The following NUDT5 variants were observed in gnomAD, a reference collection of about 807,000 sequenced individuals.
NUDT5 encodes the protein nudix hydrolase 5.
Under a neutral mutation model 34.1 loss-of-function variants are expected in NUDT5, and 21 were observed. That is an observed-to-expected ratio of 0.62 (90% CI 0.44 to 0.89). The LOEUF is 0.89. Among genes scored for constraint, NUDT5 ranks in the 40% least tolerant of loss-of-function variants. The probability of loss-of-function intolerance (pLI) is 0.00; values close to 1 mark genes in which losing one functional copy is unlikely to be tolerated. For missense variants in NUDT5, 249 were observed against 274.8 expected (o/e 0.91, Z 0.66); for synonymous variants, 85 against 97.6 (o/e 0.87, Z 0.76).
Position 12,179,101 on chromosome 10 carries a change from TC to T in NUDT5, c.162del (p.Glu56SerfsTer25). On this transcript the variant is annotated frameshift_variant, in exon 4 of 10. Coordinates refer to ENST00000491614, the MANE Select transcript of NUDT5 (RefSeq NM_014142.4). LOFTEE classifies it high-confidence loss of function. Reference protein sequence around the residue: ...RTWESVKRTTRKEQTADGVAV... With the variant: ...RTWESVKRTTXKEQTADGVAV... The stretch of plus-strand genomic sequence containing the variant: ...CTCCTACCATCCGCAGTCTGCTCTT[TC>T]CTGGTTGTACGTTTCACTGATTCCC... 6.2e-7 allele frequency: 1 copy of T among 1,614,158 alleles called. No individual in the cohort carries two copies. The highest frequency in any genetic ancestry group is 8.5e-7 in the Non-Finnish European group (1 of 1,179,994).
In NUDT5 at chr10:12,169,377, C is replaced by A; in HGVS notation, c.550+1340G>T. 8.0e-7 allele frequency: 1 copy of A among 1,253,272 alleles called. No individual in the cohort carries two copies. Among genetic ancestry groups the A allele is most frequent in the Non-Finnish European group, 1.1e-6 (1 of 887,810 alleles). The allele number at this position is 1,253,272 out of a possible 1,614,324, so 77.6% of individuals were successfully genotyped here. ...CACTTGCCTACGTCACCCTGCTTTC[C>A]ACGCACCTCCTCAGAGGGAGGGGCT... On this transcript the variant is annotated intron_variant, in intron 9 of 9. Transcript: ENST00000491614. This position sits in a 1 kb window ranked among gnomAD's most constrained non-coding sequence, Gnocchi z 4.8.
intron 5 of NUDT5, among the ~76,000 whole-genome samples, chr10:12,177,374 C>G (rs1029113197): frequency 1.3e-5 from 2 of 151,898 alleles, no homozygotes; most frequent in Non-Finnish European, 2.9e-5. Context: ...AAAAAATTAG[C>G]CGGGCGTGGT....
intron 3 of NUDT5, 142 bp from the exon 4 acceptor site, chr10:12,179,274 C>T (rs541347536): frequency 2.7e-5 from 17 of 631,348 alleles, no homozygotes; most frequent in African/African-American, 2.2e-4. Context: ...CAGCAATAAA[C>T]GTCTGCATTA....
chr10:12,180,700 C>T (rs1564425121), intron 3 of NUDT5, among the ~76,000 whole-genome samples: 2 of 152,190 alleles, frequency 1.3e-5, no homozygotes. Context: ...TCTACTTGCC[C>T]GCCAGCTAAG....
At chr10:12,177,359 A>G (rs990860793) in intron 5 of NUDT5, among the ~76,000 whole-genome samples, 2 of 151,872 alleles carry the variant, frequency 1.3e-5, no homozygotes, top group Non-Finnish European at 2.9e-5. Flanking sequence ...CTCTACTAAA[A>G]ATACAAAAAA....
At chr10:12,190,957 G>C (rs930252150) in intron 1 of NUDT5, among the ~76,000 whole-genome samples, 4 of 152,142 alleles carry the variant, frequency 2.6e-5, no homozygotes, top group Non-Finnish European at 5.9e-5. Context: ...TAGAGACCAA[G>C]AGTGCAGAGA....
In NUDT5 at chr10:12,167,044, CTTGCG is replaced by C. The variant is rs1834716605; in HGVS notation, c.*653_*657del. The C allele has an allele frequency of 1.6e-5, 3 of 181,838 alleles. No homozygotes were observed. The South Asian group carries it at 3.0e-4, about 18-fold the overall frequency. 11.3% of individuals were successfully genotyped at this position (181,838 alleles called of 1,614,324 possible). A position where few individuals can be genotyped will look rare whatever the true frequency, so the allele number is the denominator to read the frequency against. ...AGAGATCCTCAAGCACGTGCAGATG[CTTGCG>C]GGATGGACCTGAATTTTCATTAGTC... On this transcript the variant is annotated 3_prime_UTR_variant, in exon 10 of 10. Transcript: ENST00000491614.
At chr10:12,172,099 A>G (rs1274764363) in intron 7 of NUDT5, among the ~76,000 whole-genome samples, 1 of 152,178 alleles carries the variant, frequency 6.6e-6, no homozygotes, top group Non-Finnish European at 1.5e-5. Context: ...GTAAGAAGTT[A>G]AAGAATATCA....
chr10:12,167,613 A>T lies in NUDT5; in HGVS notation c.*89T>A. On this transcript the variant is annotated 3_prime_UTR_variant, in exon 10 of 10. Transcript: ENST00000491614. ...TTATTTTACGAAAAAGCTAATGGCA[A>T]ATCTACATTAAACTAAGTTGAATAC... The T allele has an allele frequency of 7.8e-7, 1 of 1,282,568 alleles. No individual in the cohort carries two copies. The highest frequency in any genetic ancestry group is 1.1e-6 in the Non-Finnish European group (1 of 900,808). 79.4% of individuals were successfully genotyped at this position (1,282,568 alleles called of 1,614,324 possible). A position where few individuals can be genotyped will look rare whatever the true frequency, so the allele number is the denominator to read the frequency against.
intron 4 of NUDT5, among the ~76,000 whole-genome samples, chr10:12,178,819 G>A (rs1834998222): frequency 6.6e-6 from 1 of 152,198 alleles, no homozygotes. Flanking sequence ...AGACACAGGT[G>A]TGGCTTCAAA....
chr10:12,177,454 G>C (rs1329249050), intron 5 of NUDT5, among the ~76,000 whole-genome samples: 1 of 152,120 alleles, frequency 6.6e-6, no homozygotes, highest in Non-Finnish European at 1.5e-5. Context: ...AGGAGGCGGA[G>C]GTTGCAGTGA....
chr10:12,177,808 T>C lies in NUDT5; in HGVS notation c.274A>G (p.Ile92Val), dbSNP rs1327555620. Residue 92 changes from isoleucine to valine, a missense_variant, in exon 5 of 10, where the codon ATA becomes GTA. Ile to Val is a conservative substitution (Grantham distance 29). Coordinates refer to ENST00000491614, the MANE Select transcript of NUDT5 (RefSeq NM_014142.4). The stretch of plus-strand genomic sequence containing the variant: ...AGTGACTCACCTGCAGGGAACTCTA[T>C]GCAGTAGCCCCCCATTGGTGGTCGG... ...QFRPPMGGYC[I>V]EFPAGLIDDG... The C allele has an allele frequency of 1.3e-5, 21 of 1,613,246 alleles. No individual in the cohort carries two copies. Among genetic ancestry groups the C allele is most frequent in the Non-Finnish European group, 1.8e-5 (21 of 1,179,112 alleles).
At chr10:12,176,650 T>C (rs1834954928) in intron 5 of NUDT5, among the ~76,000 whole-genome samples, 7 of 152,022 alleles carry the variant, frequency 4.6e-5, no homozygotes, top group Admixed American at 4.6e-4. Context: ...ATAGATGAGA[T>C]TTAATCTCTT....
rs188346515 is a variant in NUDT5, at chr10:12,173,237, C to T, written c.386-371G>A. Among the ~76,000 whole-genome samples, 4 of 152,306 alleles carry T rather than the reference C, an allele frequency of 2.6e-5. No homozygotes were observed. Among genetic ancestry groups the T allele is most frequent in the East Asian group, 1.9e-4 (1 of 5,176 alleles). ...CAATTGATTTTTTGAGACAGAGTTT[C>T]ACTTTGCTCTTATTGCCCAGGATGG... On this transcript the variant is annotated intron_variant, in intron 6 of 9. Coordinates refer to ENST00000491614, the MANE Select transcript of NUDT5 (RefSeq NM_014142.4). This position sits in a 1 kb window ranked among gnomAD's most constrained non-coding sequence, Gnocchi z 4.7.
At chr10:12,188,515 G>A (rs1242069899) in intron 1 of NUDT5, among the ~76,000 whole-genome samples, 12 of 152,068 alleles carry the variant, frequency 7.9e-5, no homozygotes, top group African/African-American at 2.9e-4. Context: ...GGTGGATCAC[G>A]AGGTCAAGAG....
Position 12,165,382 on chromosome 10 carries a change from A to G in NUDT5, c.*2320T>C. The G allele has an allele frequency of 2.1e-6, 2 of 968,540 alleles. No individual in the cohort carries two copies. The highest frequency in any genetic ancestry group is 2.5e-6 in the Non-Finnish European group (2 of 814,698). 60.0% of individuals were successfully genotyped at this position (968,540 alleles called of 1,614,324 possible). ...AAGAAAACTGATTCAGTTGTGTTGG[A>G]AAAAATAAAGAAATCTGATATTAAA... is the stretch of plus-strand genomic sequence containing the variant. On this transcript the variant is annotated 3_prime_UTR_variant, in exon 10 of 10. Coordinates refer to ENST00000491614, the MANE Select transcript of NUDT5 (RefSeq NM_014142.4).
intron 1 of NUDT5, among the ~76,000 whole-genome samples, chr10:12,191,447 A>G (rs1435400810): frequency 6.6e-6 from 1 of 151,968 alleles, no homozygotes; most frequent in Non-Finnish European, 1.5e-5. Flanking sequence ...AAAACTCCCA[A>G]AACAACTCCA....
chr10:12,170,614 A>C lies in NUDT5; in HGVS notation c.550+103T>G. 9.0e-7 allele frequency: 1 copy of C among 1,111,952 alleles called. No homozygotes were observed. The highest frequency in any genetic ancestry group is 1.4e-6 in the Non-Finnish European group (1 of 730,136). The allele number at this position is 1,111,952 out of a possible 1,614,324, so 68.9% of individuals were successfully genotyped here. On this transcript the variant is annotated intron_variant, in intron 9 of 9. Transcript: ENST00000491614. This position sits in a 1 kb window ranked among gnomAD's most constrained non-coding sequence, Gnocchi z 4.9. The stretch of plus-strand genomic sequence containing the variant: ...AGTTGCTAGGCATTTGACTTTAGTG[A>C]TACAAAAAAGATAAAGAAATGGAGT...
chr10:12,181,807 T>C lies in NUDT5; in HGVS notation c.132-2675A>G, dbSNP rs547891742. On this transcript the variant is annotated intron_variant, in intron 3 of 9. Coordinates refer to ENST00000491614, the MANE Select transcript of NUDT5 (RefSeq NM_014142.4). This position sits in a 1 kb window ranked among gnomAD's most constrained non-coding sequence, Gnocchi z 5.0. ...CAGCCTGGGCAACATAGTGAGACTC[T>C]GTCTCTACTAAAAAAATAAAAATTA... 1.3e-5 allele frequency among the ~76,000 whole-genome samples: 2 copies of C among 151,998 alleles called. No individual in the cohort carries two copies. The highest frequency in any genetic ancestry group is 2.9e-5 in the Non-Finnish European group (2 of 67,990).
Sources: gnomAD v4.1 joint callset for allele counts (sites outside exome capture counted in the v4.1 genomes callset) on GRCh38, gnomAD v4.1.1 for gene constraint, Gnocchi (gnomAD v3.1) non-coding constraint, MANE v1.5 for transcripts, NCBI Gene and HGNC (gene_info 2026-07-23, HGNC 2026-07-21) for gene names.